Variants in PCSK6 observed in about 807,000 individuals in gnomAD.
The protein encoded by PCSK6 is paired basic amino acid cleaving enzyme 4.
In PCSK6, 85 loss-of-function variants were observed where a neutral mutation model predicts 123.3. The observed-to-expected ratio is 0.69, with a 90% CI of 0.58 to 0.83. The LOEUF is 0.83. PCSK6 is among the 40% of genes least tolerant of loss of function. The pLI, the probability that PCSK6 is intolerant of heterozygous loss-of-function variation, is 0.00. For missense variants in PCSK6, 1,191 were observed against 1,282.3 expected (o/e 0.93, Z 1.09); for synonymous variants, 508 against 516.0 (o/e 0.98, Z 0.21).
intron 1 of PCSK6, among the ~76,000 whole-genome samples, chr15:101,480,912 TA>T (rs1270921361): frequency 1.3e-5 from 2 of 151,928 alleles, no homozygotes; most frequent in African/African-American, 2.4e-5. Context: ...AAATGACACT[TA>T]AACAAAGCGC....
At chr15:101,415,715 G>T (rs898557623) in intron 6 of PCSK6, among the ~76,000 whole-genome samples, 2 of 152,176 alleles carry the variant, frequency 1.3e-5, no homozygotes, top group Non-Finnish European at 2.9e-5. Context: ...TCAGGGGGAG[G>T]TAATTGAATC....
intron 10 of PCSK6, 135 bp downstream of exon 10, chr15:101,384,187 C>T (rs150688586): frequency 4.3e-4 from 623 of 1,464,200 alleles, no homozygotes; most frequent in Non-Finnish European, 5.3e-4. Flanking sequence ...GCTGCACATG[C>T]GTTTTAAATT....
At chr15:101,482,998 A>G (rs939464305) in intron 1 of PCSK6, among the ~76,000 whole-genome samples, 6 of 152,226 alleles carry the variant, frequency 3.9e-5, no homozygotes, top group Non-Finnish European at 8.8e-5. Context: ...ATCCGGGTGA[A>G]GACGTCAGAT....
At chr15:101,402,705 A>T (rs910917704) in intron 6 of PCSK6, among the ~76,000 whole-genome samples, 22 of 152,240 alleles carry the variant, frequency 1.4e-4, no homozygotes, top group African/African-American at 5.1e-4. Flanking sequence ...GAAATCCAAA[A>T]CAAAACCACA....
intron 15 of PCSK6, among the ~76,000 whole-genome samples, chr15:101,328,909 G>A (rs1375658579): frequency 6.6e-6 from 1 of 152,194 alleles, no homozygotes; most frequent in African/African-American, 2.4e-5. Flanking sequence ...TGTCCACGTG[G>A]TCCCAATCAC....
At chr15:101,362,215 C>A (rs1017024115) in intron 13 of PCSK6, among the ~76,000 whole-genome samples, 8 of 152,154 alleles carry the variant, frequency 5.3e-5, no homozygotes, top group Non-Finnish European at 1.0e-4. Context: ...CTCGGCCTCC[C>A]AAAGTGCTGG....
intron 12 of PCSK6, 46 bp downstream of exon 12, chr15:101,370,289 A>G (rs1333017874): frequency 2.8e-6 from 4 of 1,426,152 alleles, no homozygotes; most frequent in Non-Finnish European, 3.7e-6. Flanking sequence ...GTGCAGGGTC[A>G]ATCTCAGTGA....
At chr15:101,462,508 C>A (rs1258223979) in intron 1 of PCSK6, among the ~76,000 whole-genome samples, 2 of 152,182 alleles carry the variant, frequency 1.3e-5, no homozygotes, top group African/African-American at 2.4e-5. Flanking sequence ...TGCCCCACCA[C>A]ATATCAAGCC....
chr15:101,365,470 G>A (rs753030254), intron 13 of PCSK6, among the ~76,000 whole-genome samples: 1 of 152,110 alleles, frequency 6.6e-6, no homozygotes, highest in Non-Finnish European at 1.5e-5. Flanking sequence ...AATGTAAAAG[G>A]GTGCAGCCAA....
At position 101,465,264 on chromosome 15, in the gene PCSK6, G is replaced by A. The variant is rs577752786; in HGVS notation, c.298-21604C>T. The stretch of plus-strand genomic sequence containing the variant: ...CAGGCGGCTGTGTGCTGGGGACAGG[G>A]ACACACGCTGACCTCCCACTGGCTA... On this transcript the variant is annotated intron_variant, in intron 1 of 21. Transcript: ENST00000611716. Among the ~76,000 whole-genome samples the A allele has an allele frequency of 1.6e-4, 24 of 152,316 alleles. 2 individuals are homozygous for A. In the South Asian group the frequency reaches 4.8e-3, roughly 30 times the overall value.
intron 1 of PCSK6, among the ~76,000 whole-genome samples, chr15:101,445,386 T>TTC (rs2056861893): frequency 6.6e-6 from 1 of 152,222 alleles, no homozygotes; most frequent in African/African-American, 2.4e-5. Flanking sequence ...ACGCGATATT[T>TTC]ACGTGTGAAA....
chr15:101,342,495 T>C (rs1004783963), intron 13 of PCSK6, among the ~76,000 whole-genome samples: 4 of 152,214 alleles, frequency 2.6e-5, no homozygotes, highest in African/African-American at 9.6e-5. Flanking sequence ...TTTAATACTG[T>C]TGGATTTAGT....
intron 17 of PCSK6, 82 bp downstream of exon 17, chr15:101,324,768 A>G: frequency 8.4e-7 from 1 of 1,184,156 alleles, no homozygotes; most frequent in South Asian, 1.4e-5. Context: ...GAAGGCTGGG[A>G]AATTCTCCCT....
chr15:101,325,524 G>C (rs1167907096), intron 16 of PCSK6, among the ~76,000 whole-genome samples: 1 of 152,212 alleles, frequency 6.6e-6, no homozygotes. Context: ...CCGTGCCTGA[G>C]CCCTCATGGG....
At chr15:101,399,284 T>C (rs190872681) in intron 6 of PCSK6, among the ~76,000 whole-genome samples, 1 of 152,320 alleles carries the variant, frequency 6.6e-6, no homozygotes, top group African/African-American at 2.4e-5. Context: ...CTCTCTCCTT[T>C]ATAATTCCAC....
chr15:101,305,252 G>T lies in PCSK6; in HGVS notation c.*6C>A. 6.2e-7 allele frequency: 1 copy of T among 1,606,840 alleles called. No individual in the cohort carries two copies. On this transcript the variant is annotated 3_prime_UTR_variant, in exon 22 of 22. Coordinates refer to ENST00000611716, the MANE Select transcript of PCSK6 (RefSeq NM_002570.5). This position sits in a 1 kb window ranked among gnomAD's most constrained non-coding sequence, Gnocchi z 4.8. ...GTGCCTGCCCTCTGTGGGCAGCTAGGCACCCTTACCCGGCCAGGAGGCACG... is the reference window on the plus strand; with the variant it reads ...GTGCCTGCCCTCTGTGGGCAGCTAGTCACCCTTACCCGGCCAGGAGGCACG...
chr15:101,389,601 A>G, intron 8 of PCSK6, 37 bp from the exon 9 acceptor site: 1 of 1,527,218 alleles, frequency 6.5e-7, no homozygotes, highest in Non-Finnish European at 9.0e-7. Flanking sequence ...CAGTGATGGC[A>G]GACAGGCTAA....
At chr15:101,368,390 A>G (rs1321269414) in intron 12 of PCSK6, among the ~76,000 whole-genome samples, 1 of 152,218 alleles carries the variant, frequency 6.6e-6, no homozygotes, top group Non-Finnish European at 1.5e-5. Flanking sequence ...TACATATATT[A>G]TCACACTCAA....
At chr15:101,489,323 C>T in intron 1 of PCSK6, 51 bp downstream of exon 1, 1 of 1,087,580 alleles carries the variant, frequency 9.2e-7, no homozygotes, top group Non-Finnish European at 1.1e-6. Flanking sequence ...CCCTCGCGCG[C>T]GCCGGAGGCC....
Sources: allele counts gnomAD v4.1 joint callset (sites outside exome capture counted in the v4.1 genomes callset), GRCh38; gene constraint gnomAD v4.1.1; non-coding constraint Gnocchi (gnomAD v3.1); transcripts MANE v1.5; gene names NCBI Gene and HGNC (gene_info 2026-07-23, HGNC 2026-07-21).